The following BAZ1A variants were observed in gnomAD, a reference collection of about 807,000 sequenced individuals.
The protein encoded by BAZ1A is bromodomain adjacent to zinc finger domain protein 1A.
Under a neutral mutation model 185.2 loss-of-function variants are expected in BAZ1A, and 50 were observed. That is an observed-to-expected ratio of 0.27 (90% CI 0.22 to 0.34). The LOEUF is 0.34. Among genes scored for constraint, BAZ1A ranks in the 10% least tolerant of loss-of-function variants. The probability of loss-of-function intolerance (pLI) is 1.00; values close to 1 mark genes in which losing one functional copy is unlikely to be tolerated. For missense variants in BAZ1A, 1,356 were observed against 1,839.9 expected (o/e 0.74, Z 4.81); for synonymous variants, 571 against 615.6 (o/e 0.93, Z 1.07).
intron 4 of BAZ1A, among the ~76,000 whole-genome samples, chr14:34,824,065 T>C (rs1273136434): frequency 6.6e-6 from 1 of 151,820 alleles, no homozygotes; most frequent in Non-Finnish European, 1.5e-5. Flanking sequence ...AGTAATTTAT[T>C]TTTCTGGTTA....
chr14:34,783,348 A>T, intron 15 of BAZ1A, 116 bp from the exon 16 acceptor site: 1 of 623,970 alleles, frequency 1.6e-6, no homozygotes, highest in African/African-American at 1.9e-5. Flanking sequence ...TAAAACTATA[A>T]TGTAGTAATC....
intron 3 of BAZ1A, among the ~76,000 whole-genome samples, chr14:34,832,183 T>TAC (rs2042251923): frequency 1.1e-5 from 1 of 88,990 alleles, no homozygotes; most frequent in Admixed American, 1.3e-4. Flanking sequence ...TATATACATA[T>TAC]ATACATATAC....
chr14:34,844,751 C>T (rs1394951247), intron 3 of BAZ1A, among the ~76,000 whole-genome samples: 1 of 148,244 alleles, frequency 6.7e-6, no homozygotes, highest in Non-Finnish European at 1.5e-5. Flanking sequence ...GAGTGTGACC[C>T]TGTCTAAACA....
intron 3 of BAZ1A, among the ~76,000 whole-genome samples, chr14:34,846,476 G>C (rs187450996): frequency 6.0e-4 from 91 of 152,296 alleles, no homozygotes; most frequent in African/African-American, 2.1e-3. Flanking sequence ...AATTTGTATG[G>C]TAAGTCTAAA....
chr14:34,845,079 C>CT (rs1418987133), intron 3 of BAZ1A, among the ~76,000 whole-genome samples: 3 of 152,044 alleles, frequency 2.0e-5, no homozygotes. Flanking sequence ...ATGATATTTA[C>CT]TATTTGAACC....
chr14:34,818,734 G>A (rs901753958), intron 4 of BAZ1A, among the ~76,000 whole-genome samples: 2 of 152,116 alleles, frequency 1.3e-5, no homozygotes, highest in African/African-American at 4.8e-5. Context: ...TATACACCGT[G>A]TATATGCCAA....
At chr14:34,859,359 G>C (rs1385072242) in intron 3 of BAZ1A, among the ~76,000 whole-genome samples, 1 of 151,280 alleles carries the variant, frequency 6.6e-6, no homozygotes, top group Admixed American at 6.6e-5. Flanking sequence ...GCTTGAGGCT[G>C]AGAGATTGAG....
chr14:34,812,704 G>A (rs1387212637), intron 4 of BAZ1A, among the ~76,000 whole-genome samples: 1 of 152,178 alleles, frequency 6.6e-6, no homozygotes, highest in African/African-American at 2.4e-5. Context: ...AGCAGAAAAT[G>A]ATATGGTAAG....
intron 3 of BAZ1A, among the ~76,000 whole-genome samples, chr14:34,858,191 A>ATGAC (rs2042711697): frequency 6.6e-6 from 1 of 152,230 alleles, no homozygotes; most frequent in Non-Finnish European, 1.5e-5. Flanking sequence ...TGTTGAGGCG[A>ATGAC]TGACTGAACT....
chr14:34,792,116 G>T (rs975032941), intron 12 of BAZ1A, among the ~76,000 whole-genome samples: 1 of 152,196 alleles, frequency 6.6e-6, no homozygotes, highest in Non-Finnish European at 1.5e-5. Flanking sequence ...AGGCGCAGTG[G>T]TTCACGCCTG....
intron 3 of BAZ1A, among the ~76,000 whole-genome samples, chr14:34,843,956 A>G (rs2042458414): frequency 6.6e-6 from 1 of 152,094 alleles, no homozygotes; most frequent in Non-Finnish European, 1.5e-5. Flanking sequence ...CTGTAATCCC[A>G]GCACTTTGGG....
At chr14:34,759,073 G>C (rs1456177433) in intron 24 of BAZ1A, among the ~76,000 whole-genome samples, 3 of 150,740 alleles carry the variant, frequency 2.0e-5, no homozygotes, top group African/African-American at 7.3e-5. Flanking sequence ...CATTCATTGG[G>C]AACAGATTTT....
chr14:34,840,764 AAAACAAACAAACAAAC>A (rs112881728), intron 3 of BAZ1A, among the ~76,000 whole-genome samples: 11 of 149,096 alleles, frequency 7.4e-5, no homozygotes, highest in East Asian at 4.0e-4. Context: ...CTCCCCCCCA[AAAACAAACAAACAAAC>A]AAACAAACAA....
chr14:34,777,233 A>C (rs189138977), intron 17 of BAZ1A, among the ~76,000 whole-genome samples: 47 of 152,384 alleles, frequency 3.1e-4, no homozygotes, highest in Non-Finnish European at 6.2e-4. Flanking sequence ...CACAGGCAAC[A>C]TGCAGACAAT....
chr14:34,809,636 G>T (rs1325063854), intron 5 of BAZ1A, among the ~76,000 whole-genome samples: 1 of 152,074 alleles, frequency 6.6e-6, no homozygotes, highest in Admixed American at 6.6e-5. Flanking sequence ...CTTTTATTAT[G>T]AAGTATAACT....
intron 3 of BAZ1A, among the ~76,000 whole-genome samples, chr14:34,846,580 G>T (rs2042515893): frequency 6.6e-6 from 1 of 152,088 alleles, no homozygotes; most frequent in South Asian, 2.1e-4. Flanking sequence ...TAAATGTTTA[G>T]AAACAGAGTC....
chr14:34,782,050 A>G (rs1880073562), intron 16 of BAZ1A, among the ~76,000 whole-genome samples: 1 of 152,202 alleles, frequency 6.6e-6, no homozygotes, highest in Non-Finnish European at 1.5e-5. Context: ...TCTTAGGTAT[A>G]TATCTAGGAG....
At chr14:34,767,341 C>T (rs1479097657) in intron 21 of BAZ1A, among the ~76,000 whole-genome samples, 2 of 152,130 alleles carry the variant, frequency 1.3e-5, no homozygotes, top group East Asian at 1.9e-4. Flanking sequence ...CATGAGGCCA[C>T]GAGTTTGAGA....
intron 3 of BAZ1A, among the ~76,000 whole-genome samples, chr14:34,847,471 T>C (rs1327856384): frequency 6.6e-6 from 1 of 152,170 alleles, no homozygotes; most frequent in Non-Finnish European, 1.5e-5. Context: ...TAAAAATCTA[T>C]ACTATCTTTG....
Sources: gnomAD v4.1 joint callset for allele counts (sites outside exome capture counted in the v4.1 genomes callset) on GRCh38, gnomAD v4.1.1 for gene constraint, MANE v1.5 for transcripts, NCBI Gene and HGNC (gene_info 2026-07-23, HGNC 2026-07-21) for gene names.